Variants in NAV3 observed in about 807,000 individuals in gnomAD.
NAV3 encodes the protein neuron navigator 3.
A neutral mutation model predicts 244.7 loss-of-function variants in NAV3; 87 were observed. That is an observed-to-expected ratio of 0.36 (90% confidence interval 0.30 to 0.42). The LOEUF is 0.42. Among genes scored for constraint, NAV3 ranks in the 20% least tolerant of loss-of-function variants. NAV3 has a pLI of 1.00. For missense variants in NAV3, 2,663 were observed against 2,893.3 expected (o/e 0.92, Z 1.83); for synonymous variants, 1,126 against 1,042.2 (o/e 1.08, Z -1.55).
intron 24 of NAV3, among the ~76,000 whole-genome samples, chr12:78,173,724 A>G (rs2853483): frequency 0.049 from 7,355 of 150,288 alleles, 190 homozygotes; most frequent in Non-Finnish European, 0.071. Flanking sequence ...CAATGTTAAG[A>G]GATGAATTCT....
chr12:77,670,795 A>G (rs145510727), intron 2 of NAV3, among the ~76,000 whole-genome samples: 157 of 152,260 alleles, frequency 1.0e-3, no homozygotes, highest in African/African-American at 3.5e-3. Flanking sequence ...CCTTAGGGTA[A>G]TAAATGCCAT....
chr12:77,572,222 C>G (rs1868860689), exon 2 of NAV3: 1 of 154,230 alleles, frequency 6.5e-6, no homozygotes, highest in Non-Finnish European at 1.5e-5. Flanking sequence ...AATGAACAGA[C>G]ATGGGAAGAA....
At chr12:77,728,868 C>T (rs1424807125) in intron 2 of NAV3, among the ~76,000 whole-genome samples, 1 of 151,246 alleles carries the variant, frequency 6.6e-6, no homozygotes, top group African/African-American at 2.4e-5. Context: ...TTCACTTCTG[C>T]CTCTGCTACC....
intron 2 of NAV3, among the ~76,000 whole-genome samples, chr12:77,660,539 T>C (rs1306522394): frequency 6.6e-6 from 1 of 152,134 alleles, no homozygotes; most frequent in Non-Finnish European, 1.5e-5. Flanking sequence ...TTTTTTACAG[T>C]TTATAAACCA....
chr12:78,010,747 A>C (rs1875125862), intron 8 of NAV3: 1 of 152,002 alleles, frequency 6.6e-6, no homozygotes, highest in Admixed American at 6.6e-5. Context: ...AAATGTATAC[A>C]GATACATATA....
intron 2 of NAV3, among the ~76,000 whole-genome samples, chr12:77,797,282 A>G (rs1242309089): frequency 1.3e-5 from 2 of 152,200 alleles, no homozygotes; most frequent in Admixed American, 6.5e-5. Flanking sequence ...AGTAGCAGAA[A>G]TAGTAAGAGT....
At chr12:78,076,689 T>A (rs1953067280) in intron 12 of NAV3, among the ~76,000 whole-genome samples, 2 of 152,030 alleles carry the variant, frequency 1.3e-5, no homozygotes, top group African/African-American at 2.4e-5. Flanking sequence ...GAGAGCTTTT[T>A]AAAAAAAACA....
At chr12:77,982,899 G>A (rs1262486337) in intron 5 of NAV3, among the ~76,000 whole-genome samples, 1 of 152,156 alleles carries the variant, frequency 6.6e-6, no homozygotes, top group Non-Finnish European at 1.5e-5. Context: ...CAGCCTTAGT[G>A]GTATCATACT....
At chr12:77,860,830 A>T (rs1879152779) in intron 1 of NAV3, among the ~76,000 whole-genome samples, 1 of 151,872 alleles carries the variant, frequency 6.6e-6, no homozygotes, top group Non-Finnish European at 1.5e-5. Flanking sequence ...AGTAATTCTT[A>T]ATCAAGCTCT....
At chr12:78,015,892 C>T (rs936332561) in intron 8 of NAV3, among the ~76,000 whole-genome samples, 8 of 151,972 alleles carry the variant, frequency 5.3e-5, no homozygotes, top group African/African-American at 1.9e-4. Flanking sequence ...GTATTTTCTC[C>T]CCATGATCTT....
intron 1 of NAV3, among the ~76,000 whole-genome samples, chr12:77,853,517 A>G (rs1259727231): frequency 6.6e-6 from 1 of 152,206 alleles, no homozygotes; most frequent in Non-Finnish European, 1.5e-5. Flanking sequence ...ATCTTGTTTA[A>G]GAAACTCTAC....
At chr12:78,076,426 G>T (rs2137734723) in intron 12 of NAV3, among the ~76,000 whole-genome samples, 1 of 152,232 alleles carries the variant, frequency 6.6e-6, no homozygotes, top group East Asian at 1.9e-4. Context: ...CTCTGTGTCT[G>T]TCTTTTCCAG....
At chr12:77,864,795 T>C (rs939549995) in intron 1 of NAV3, among the ~76,000 whole-genome samples, 9 of 152,008 alleles carry the variant, frequency 5.9e-5, no homozygotes, top group African/African-American at 2.2e-4. Flanking sequence ...TTTTTTCCTT[T>C]AAAGAATGTA....
At chr12:77,838,222 G>A (rs1032970312) in intron 1 of NAV3, among the ~76,000 whole-genome samples, 4 of 152,142 alleles carry the variant, frequency 2.6e-5, no homozygotes, top group African/African-American at 4.8e-5. Flanking sequence ...TTTTGCTTTT[G>A]TGGTAACAAT....
At chr12:77,948,769 G>GTT (rs551739744) in intron 3 of NAV3, among the ~76,000 whole-genome samples, 345 of 142,234 alleles carry the variant, frequency 2.4e-3, no homozygotes, top group African/African-American at 8.3e-3. Flanking sequence ...AACAATCTTA[G>GTT]TTTAGGAAAC....
At chr12:77,796,523 T>G (rs2135957499) in intron 2 of NAV3, among the ~76,000 whole-genome samples, 1 of 152,326 alleles carries the variant, frequency 6.6e-6, no homozygotes, top group South Asian at 2.1e-4. Flanking sequence ...TTACAAAAAC[T>G]TAGATGATAA....
chr12:77,681,094 T>C (rs1330269089), intron 2 of NAV3, among the ~76,000 whole-genome samples: 2 of 152,136 alleles, frequency 1.3e-5, no homozygotes, highest in Non-Finnish European at 2.9e-5. Context: ...ATCTTTAGGG[T>C]TAGCAGCTTG....
rs772100731 is a variant in NAV3, at chr12:78,007,328, G to A, written c.1790G>A (p.Cys597Tyr). ...EAGQASPSGS[C>Y]TMTVAQSSGQ... ...GGCCAAGCTTCTCCTTCTGGTTCCT[G>A]TACCATGACAGTGGCACAAAGCAGT... The change falls in exon 8 of 40, where the codon TGT becomes TAT. Residue 597 changes from cysteine to tyrosine, a missense_variant. Physicochemically the swap from Cys to Tyr is radical, Grantham distance 194. Transcript: ENST00000397909. The A allele has an allele frequency of 1.9e-6, 3 of 1,614,158 alleles. No homozygotes were observed. The highest frequency in any genetic ancestry group is 1.7e-5 in the Admixed American group (1 of 60,010).
chr12:77,866,112 T>G (rs1369267207), intron 1 of NAV3, among the ~76,000 whole-genome samples: 1 of 152,132 alleles, frequency 6.6e-6, no homozygotes, highest in African/African-American at 2.4e-5. Flanking sequence ...AGAAAATAAC[T>G]TTACAAAAAG....
Sources: allele counts gnomAD v4.1 joint callset (sites outside exome capture counted in the v4.1 genomes callset), GRCh38; gene constraint gnomAD v4.1.1; transcripts MANE v1.5; gene names NCBI Gene and HGNC (gene_info 2026-07-23, HGNC 2026-07-21).